Variants in SUPT3H observed in about 807,000 individuals in gnomAD.
SUPT3H encodes SPT3 homolog, SAGA and STAGA complex component.
SUPT3H carries 44 observed loss-of-function variants against 44.3 expected under a neutral mutation model. That is an observed-to-expected ratio of 0.99 (90% CI 0.78 to 1.28). The LOEUF is 1.28. SUPT3H is among the 50% of genes most tolerant of loss of function. The pLI is 0.00. For missense variants in SUPT3H, 380 were observed against 387.1 expected, an observed-to-expected ratio of 0.98 and a Z score of 0.15; for synonymous variants, 124 against 125.6, an observed-to-expected ratio of 0.99 and a Z score of 0.09.
intron 2 of SUPT3H, among the ~76,000 whole-genome samples, chr6:45,251,789 T>C (rs10456547): frequency 0.22 from 33,805 of 152,064 alleles, 4,615 homozygotes; most frequent in Non-Finnish European, 0.31. Flanking sequence ...ACCAGAGTAA[T>C]TGAGTGAATT....
intron 3 of SUPT3H, among the ~76,000 whole-genome samples, chr6:45,029,318 G>A (rs1055211389): frequency 2.7e-5 from 4 of 146,336 alleles, no homozygotes; most frequent in Non-Finnish European, 6.0e-5. Flanking sequence ...TATACTATGT[G>A]TGTATATATG....
chr6:45,162,076 CCA>C (rs914880559), intron 2 of SUPT3H, among the ~76,000 whole-genome samples: 1 of 151,920 alleles, frequency 6.6e-6, no homozygotes, highest in Non-Finnish European at 1.5e-5. Context: ...AAAGGTAATG[CCA>C]CAGTTTGCTT....
At chr6:45,372,170 C>G (rs1036361262) in intron 1 of SUPT3H, 2 of 260,960 alleles carry the variant, frequency 7.7e-6, no homozygotes, top group Non-Finnish European at 1.2e-5. Context: ...ATTATAGGCT[C>G]TAACACTTAC....
At chr6:44,845,860 G>T (rs768572011) in intron 10 of SUPT3H, among the ~76,000 whole-genome samples, 1 of 152,214 alleles carries the variant, frequency 6.6e-6, no homozygotes, top group Non-Finnish European at 1.5e-5. Flanking sequence ...CCAAGCCCAT[G>T]TGTGATCTGA....
intron 3 of SUPT3H, among the ~76,000 whole-genome samples, chr6:45,063,760 A>G (rs1409140096): frequency 7.1e-6 from 1 of 140,192 alleles, no homozygotes; most frequent in Non-Finnish European, 1.5e-5. Flanking sequence ...GGTTAGAGAA[A>G]AAAGAGTAAA....
At chr6:45,063,440 C>T (rs1294757593) in intron 3 of SUPT3H, among the ~76,000 whole-genome samples, 20 of 148,810 alleles carry the variant, frequency 1.3e-4, no homozygotes, top group Admixed American at 8.7e-4. Context: ...TCACCAGCAA[C>T]GGAACAAAGC....
At chr6:45,090,147 A>T (rs1796957568) in intron 3 of SUPT3H, among the ~76,000 whole-genome samples, 1 of 152,118 alleles carries the variant, frequency 6.6e-6, no homozygotes, top group African/African-American at 2.4e-5. Context: ...CATTCCTGAC[A>T]ACATCATTCA....
At chr6:45,050,878 A>ATTTTT (rs35575281) in intron 3 of SUPT3H, among the ~76,000 whole-genome samples, 21 of 86,162 alleles carry the variant, frequency 2.4e-4, no homozygotes, top group East Asian at 3.7e-4. Flanking sequence ...AGGGTATGGG[A>ATTTTT]TTTTTTTTTT....
At chr6:44,891,031 T>C (rs1029261312) in intron 10 of SUPT3H, among the ~76,000 whole-genome samples, 3 of 152,078 alleles carry the variant, frequency 2.0e-5, no homozygotes, top group Non-Finnish European at 4.4e-5. Flanking sequence ...CTAATGTAGA[T>C]GACGGGTTGA....
At chr6:45,099,873 C>T (rs940133728) in intron 3 of SUPT3H, among the ~76,000 whole-genome samples, 9 of 152,036 alleles carry the variant, frequency 5.9e-5, no homozygotes, top group African/African-American at 2.2e-4. Flanking sequence ...CTTCGATGTG[C>T]AAAGAACACC....
At chr6:45,232,494 A>T (rs758252467) in intron 2 of SUPT3H, among the ~76,000 whole-genome samples, 8 of 152,148 alleles carry the variant, frequency 5.3e-5, no homozygotes, top group Non-Finnish European at 1.0e-4. Flanking sequence ...GTACATTGGT[A>T]TGAGGGTATT....
At chr6:45,375,193 G>A (rs1047690287) in intron 1 of SUPT3H, among the ~76,000 whole-genome samples, 2 of 152,188 alleles carry the variant, frequency 1.3e-5, no homozygotes, top group Admixed American at 6.5e-5. Flanking sequence ...GGCAACAAGA[G>A]TGAAACTCCA....
intron 2 of SUPT3H, among the ~76,000 whole-genome samples, chr6:45,290,575 A>G (rs1408011704): frequency 6.6e-6 from 1 of 152,124 alleles, no homozygotes; most frequent in Non-Finnish European, 1.5e-5. Context: ...CATCAACAAA[A>G]ATCCCGTAAG....
intron 2 of SUPT3H, among the ~76,000 whole-genome samples, chr6:45,174,015 G>A (rs549987117): frequency 1.3e-5 from 2 of 152,200 alleles, no homozygotes; most frequent in South Asian, 2.1e-4. Flanking sequence ...ACAATGGTTT[G>A]CTTGGTGATC....
intron 10 of SUPT3H, among the ~76,000 whole-genome samples, chr6:44,837,193 A>T (rs983543036): frequency 6.6e-6 from 1 of 152,230 alleles, no homozygotes; most frequent in African/African-American, 2.4e-5. Flanking sequence ...AGGAGTTAGT[A>T]ACCCAAATAA....
At chr6:45,314,926 G>A (rs906209009) in intron 2 of SUPT3H, among the ~76,000 whole-genome samples, 1 of 152,134 alleles carries the variant, frequency 6.6e-6, no homozygotes, top group African/African-American at 2.4e-5. Context: ...CATGGTACTA[G>A]TATAAAAATA....
In SUPT3H at chr6:45,092,936, G is replaced by C. The variant is rs529624115; in HGVS notation, c.186+12986C>G. On this transcript the variant is annotated intron_variant, in intron 3 of 10. Transcript: ENST00000371459. ...TTTATAAATTCACCCAGAGATGTGA[G>C]AACGACTAGAATTGAAATTATCAGC... Among the ~76,000 whole-genome samples, 9 of 152,104 alleles carry C rather than the reference G, an allele frequency of 5.9e-5. No individual in the cohort carries two copies. In the East Asian group the frequency reaches 1.6e-3, roughly 26 times the overall value.
At chr6:44,894,723 G>C (rs1349082062) in intron 10 of SUPT3H, among the ~76,000 whole-genome samples, 1 of 151,722 alleles carries the variant, frequency 6.6e-6, no homozygotes, top group Non-Finnish European at 1.5e-5. Context: ...ATTATTTATA[G>C]TCTAATTTAG....
At chr6:45,349,604 T>C (rs1485717685) in intron 2 of SUPT3H, among the ~76,000 whole-genome samples, 1 of 152,212 alleles carries the variant, frequency 6.6e-6, no homozygotes, top group Non-Finnish European at 1.5e-5. Context: ...TAATGCACAC[T>C]AAGGTTTGGG....
Sources: allele counts gnomAD v4.1 joint callset (sites outside exome capture counted in the v4.1 genomes callset), GRCh38; gene constraint gnomAD v4.1.1; transcripts MANE v1.5; gene names NCBI Gene and HGNC (gene_info 2026-07-23, HGNC 2026-07-21).